RAPGEF4: variants seen among roughly 807,000 people sequenced by gnomAD.
The protein encoded by RAPGEF4 is Rap guanine nucleotide exchange factor 4.
RAPGEF4 carries 66 observed loss-of-function variants against 147.9 expected under a neutral mutation model. That is an observed-to-expected ratio of 0.45 (90% CI 0.37 to 0.55). The LOEUF is 0.55. Ranked by LOEUF, RAPGEF4 falls within the 20% of genes least tolerant of loss-of-function variation. The pLI is 0.00. For synonymous variants in RAPGEF4, 419 were observed against 442.7 expected (o/e 0.95, Z 0.67); for missense variants, 1,071 against 1,257.3 (o/e 0.85, Z 2.24).
chr2:172,858,252 T>C (rs935408162), intron 4 of RAPGEF4, among the ~76,000 whole-genome samples: 2 of 152,200 alleles, frequency 1.3e-5, no homozygotes, highest in Non-Finnish European at 2.9e-5. Context: ...AATTATTAAT[T>C]TCATCGTATT....
At chr2:172,905,159 A>C (rs1699494708) in intron 4 of RAPGEF4, among the ~76,000 whole-genome samples, 1 of 152,010 alleles carries the variant, frequency 6.6e-6, no homozygotes, top group South Asian at 2.1e-4. Context: ...TCTGACTCCC[A>C]AATCTGAATT....
chr2:172,765,969 T>C (rs917315336), intron 1 of RAPGEF4, among the ~76,000 whole-genome samples: 5 of 152,204 alleles, frequency 3.3e-5, no homozygotes, highest in Non-Finnish European at 5.9e-5. Flanking sequence ...CTGTTCTCTG[T>C]GTGAAGCCCA....
intron 1 of RAPGEF4, among the ~76,000 whole-genome samples, chr2:172,779,297 G>C (rs930983772): frequency 2.0e-5 from 3 of 152,148 alleles, no homozygotes; most frequent in African/African-American, 7.2e-5. Context: ...GCAGGGTAAG[G>C]GTGCTGTTGA....
At chr2:172,858,544 G>T (rs1375191923) in intron 4 of RAPGEF4, among the ~76,000 whole-genome samples, 3 of 152,224 alleles carry the variant, frequency 2.0e-5, no homozygotes, top group African/African-American at 7.2e-5. Context: ...GTTCTGGGAA[G>T]GTGGGCTTAT....
intron 29 of RAPGEF4, among the ~76,000 whole-genome samples, chr2:173,046,592 A>G (rs1685497873): frequency 6.6e-6 from 1 of 152,230 alleles, no homozygotes; most frequent in African/African-American, 2.4e-5. Flanking sequence ...TAGAGAAGTG[A>G]AAAAACAACT....
intron 4 of RAPGEF4, among the ~76,000 whole-genome samples, chr2:172,909,333 T>G (rs1699894931): frequency 6.6e-6 from 1 of 152,212 alleles, no homozygotes; most frequent in African/African-American, 2.4e-5. Context: ...AAAGCACTGA[T>G]TCAGTGTTCT....
intron 24 of RAPGEF4, among the ~76,000 whole-genome samples, 179 bp from the exon 25 acceptor site, chr2:173,026,902 A>G (rs548545036): frequency 6.6e-6 from 1 of 152,326 alleles, no homozygotes; most frequent in South Asian, 2.1e-4. Context: ...CTTCCTGTGT[A>G]TATTAAGCCA....
chr2:172,945,391 A>G (rs1687584717), intron 6 of RAPGEF4, among the ~76,000 whole-genome samples: 1 of 152,160 alleles, frequency 6.6e-6, no homozygotes, highest in African/African-American at 2.4e-5. Context: ...GATCAAATAT[A>G]CTACTGCCCT....
chr2:172,988,912 A>G (rs1692545738), intron 14 of RAPGEF4, 73 bp downstream of exon 14: 7 of 1,498,034 alleles, frequency 4.7e-6, no homozygotes, highest in Non-Finnish European at 5.5e-6. Flanking sequence ...AGCTTTGAGC[A>G]TAGTCTTAAT....
At chr2:172,936,218 A>G (rs1315028966) in intron 6 of RAPGEF4, among the ~76,000 whole-genome samples, 1 of 152,186 alleles carries the variant, frequency 6.6e-6, no homozygotes, top group East Asian at 1.9e-4. Flanking sequence ...AGTACAAAAA[A>G]TTAGCCGGGC....
At chr2:172,829,106 G>T (rs1349903666) in intron 4 of RAPGEF4, among the ~76,000 whole-genome samples, 1 of 152,196 alleles carries the variant, frequency 6.6e-6, no homozygotes, top group Non-Finnish European at 1.5e-5. Flanking sequence ...ACGAAGGCCT[G>T]GGGCTGAGAG....
At chr2:172,994,040 A>C (rs931426460) in intron 15 of RAPGEF4, among the ~76,000 whole-genome samples, 15 of 152,234 alleles carry the variant, frequency 9.9e-5, no homozygotes, top group Non-Finnish European at 1.8e-4. Flanking sequence ...AAAGAATACC[A>C]GAATGTGAAG....
chr2:172,822,220 GA>G (rs1214987157), intron 4 of RAPGEF4, among the ~76,000 whole-genome samples: 1 of 152,154 alleles, frequency 6.6e-6, no homozygotes, highest in African/African-American at 2.4e-5. Flanking sequence ...TATTTAGCCT[GA>G]TGATCTTAAA....
intron 5 of RAPGEF4, among the ~76,000 whole-genome samples, chr2:172,922,000 A>G (rs1225619140): frequency 6.6e-6 from 1 of 152,244 alleles, no homozygotes; most frequent in Non-Finnish European, 1.5e-5. Flanking sequence ...AGAATGAATC[A>G]GTGATGGGTA....
chr2:173,011,286 G>T (rs73017522), intron 17 of RAPGEF4, among the ~76,000 whole-genome samples: 106 of 151,750 alleles, frequency 7.0e-4, no homozygotes, highest in African/African-American at 2.4e-3. Context: ...AAGCACTAAG[G>T]TCTAGTTGCT....
At chr2:172,814,143 A>G in intron 3 of RAPGEF4, 136 bp from the exon 4 acceptor site, 2 of 862,856 alleles carry the variant, frequency 2.3e-6, no homozygotes, top group Non-Finnish European at 3.6e-6. Context: ...CGGTATATAT[A>G]TTTGTCAAGA....
intron 4 of RAPGEF4, among the ~76,000 whole-genome samples, chr2:172,840,293 A>G (rs1455781494): frequency 6.6e-6 from 1 of 152,190 alleles, no homozygotes; most frequent in Non-Finnish European, 1.5e-5. Flanking sequence ...TTCCTCCAGG[A>G]AGGAAAACTG....
intron 4 of RAPGEF4, among the ~76,000 whole-genome samples, chr2:172,845,421 G>T (rs1382400265): frequency 6.6e-6 from 1 of 152,076 alleles, no homozygotes; most frequent in Non-Finnish European, 1.5e-5. Flanking sequence ...GGATTAAAAT[G>T]CAAACCAAAC....
chr2:172,762,558 G>C (rs935402958), intron 1 of RAPGEF4, among the ~76,000 whole-genome samples: 8 of 152,172 alleles, frequency 5.3e-5, no homozygotes, highest in Admixed American at 1.3e-4. Flanking sequence ...TTGTCTATAA[G>C]AGGCCTTCTG....
Sources: allele counts gnomAD v4.1 joint callset (sites outside exome capture counted in the v4.1 genomes callset), GRCh38; gene constraint gnomAD v4.1.1; transcripts MANE v1.5; gene names NCBI Gene and HGNC (gene_info 2026-07-23, HGNC 2026-07-21).